Variants in PANK3 observed in about 807,000 individuals in gnomAD.
PANK3 encodes the protein hPanK3.
PANK3 carries 20 observed loss-of-function variants against 39.4 expected under a neutral mutation model. That is an observed-to-expected ratio of 0.51 (90% CI 0.36 to 0.74). PANK3 has a LOEUF of 0.74. PANK3 is among the 30% of genes least tolerant of loss of function. The pLI is 0.00. For synonymous variants in PANK3, 140 were observed against 157.3 expected, an observed-to-expected ratio of 0.89 and a Z score of 0.82; for missense variants, 265 against 437.0, an observed-to-expected ratio of 0.61 and a Z score of 3.51.
chr5:168,577,975 T>C (rs997220967), intron 1 of PANK3, among the ~76,000 whole-genome samples: 2 of 152,254 alleles, frequency 1.3e-5, no homozygotes, highest in Non-Finnish European at 2.9e-5. Context: ...TTCACATCAC[T>C]ATTTTATAGA....
In PANK3 at chr5:168,554,586, T is replaced by G. The variant is rs1053497872; in HGVS notation, c.*2985A>C. ...GGAGGAAAAGCGTGTAAAGTTAAGT[T>G]TTTAGAATTTAGACTGTTTGAAACT... On this transcript the variant is annotated 3_prime_UTR_variant, in exon 7 of 7. Coordinates refer to ENST00000239231, the MANE Select transcript of PANK3 (RefSeq NM_024594.4). 1.3e-5 allele frequency: 2 copies of G among 148,186 alleles called. No individual in the cohort carries two copies. The highest frequency in any genetic ancestry group is 3.1e-5 in the Non-Finnish European group (2 of 65,442). 9.2% of individuals were successfully genotyped at this position (148,186 alleles called of 1,614,324 possible).
chr5:168,566,185 T>G lies in PANK3; in HGVS notation c.463A>C (p.Asn155His), dbSNP rs1407291390. Residue 155 changes from asparagine (N) to histidine (H), a missense_variant, in exon 3 of 7, where the codon AAT becomes CAT. By Grantham distance (68) the Asn-to-His change is moderately conservative. This residue lies in a region of PANK3 where 154 missense variants were observed against 256.8 expected (regional missense o/e 0.60). Coordinates refer to ENST00000239231, the MANE Select transcript of PANK3 (RefSeq NM_024594.4). ...GLLYIDSVSF[N>H]GQAECYYFAN... The stretch of plus-strand genomic sequence containing the variant: ...AAATAATAGCACTCGGCTTGTCCAT[T>G]GAAACTGACAGAGTCTATATACAGC... 18 of 1,613,992 alleles carry G rather than the reference T, an allele frequency of 1.1e-5. No individual in the cohort carries two copies. Among genetic ancestry groups the G allele is most frequent in the Non-Finnish European group, 1.4e-5 (17 of 1,180,002 alleles).
At position 168,564,043 on chromosome 5, in the gene PANK3, C is replaced by A; in HGVS notation, c.658G>T (p.Gly220Cys). 6.2e-7 allele frequency: 1 copy of A among 1,610,170 alleles called. No homozygotes were observed. Among genetic ancestry groups the A allele is most frequent in the South Asian group, 1.1e-5 (1 of 90,128 alleles). Residue 220 changes from glycine to cysteine, a missense_variant, in exon 4 of 7, where the codon GGT becomes TGT. Gly to Cys is a radical substitution (Grantham distance 159). Coordinates refer to ENST00000239231, the MANE Select transcript of PANK3 (RefSeq NM_024594.4). ...CAGCCAGTCAATAAACTGCATAAAC[C>A]CAGAAAGGTACCCCCTCCAAGGCTA... ...GTSLGGGTFL[G>C]LCSLLTGCES... is the part of the protein sequence containing the mutation.
intron 4 of PANK3, among the ~76,000 whole-genome samples, chr5:168,562,333 G>C (rs760254292): frequency 3.9e-5 from 6 of 152,082 alleles, no homozygotes; most frequent in African/African-American, 4.8e-5. Flanking sequence ...AAAAGGACCA[G>C]AAAAAGCCAG....
chr5:168,564,670 C>A lies in PANK3; in HGVS notation c.636-605G>T, dbSNP rs1759497520. Among the ~76,000 whole-genome samples, 3 of 152,192 alleles carry A rather than the reference C, an allele frequency of 2.0e-5. No homozygotes were observed. In the South Asian group the frequency reaches 6.2e-4, roughly 32 times the overall value. ...CCAGGCTGGTCTTAACTCCTGGTCT[C>A]AAGCAATCCTCCACTTTGGCCTCCC... On this transcript the variant is annotated intron_variant, in intron 3 of 6. Transcript: ENST00000239231.
Position 168,566,226 on chromosome 5 carries a change from C to A in PANK3, c.422G>T (p.Cys141Phe), listed in dbSNP as rs1284268027. The change falls in exon 3 of 7, where the codon TGC becomes TTC. Residue 141 changes from cysteine (C) to phenylalanine (F), a missense_variant. Cys to Phe is a radical substitution (Grantham distance 205). Around this residue, in one of 3 missense-constraint regions of PANK3, gnomAD observed 154 missense variants for 256.8 expected, o/e 0.60. Transcript: ENST00000239231. ...LHLHKLDELD[C>F]LVKGLLYIDS... Reference sequence around the variant, plus strand: ...TATATACAGCAAGCCCTTTACAAGGCAGTCAAGTTCATCCAGTTTGTGCAG... The same window carrying A: ...TATATACAGCAAGCCCTTTACAAGGAAGTCAAGTTCATCCAGTTTGTGCAG... The A allele has an allele frequency of 1.2e-6, 2 of 1,611,004 alleles. No homozygotes were observed. The highest frequency in any genetic ancestry group is 8.5e-7 in the Non-Finnish European group (1 of 1,177,530).
In PANK3 at chr5:168,557,506, A is replaced by C; in HGVS notation, c.*65T>G. On this transcript the variant is annotated 3_prime_UTR_variant, in exon 7 of 7. Coordinates refer to ENST00000239231, the MANE Select transcript of PANK3 (RefSeq NM_024594.4). ...GGTTCCCAGTGACAAACAATGCAGTAATAATGCCTCTGGTTTTAGTTCCTC... is the reference window on the plus strand; with the variant it reads ...GGTTCCCAGTGACAAACAATGCAGTCATAATGCCTCTGGTTTTAGTTCCTC... 7.0e-7 allele frequency: 1 copy of C among 1,424,308 alleles called. No individual in the cohort carries two copies. Among genetic ancestry groups the C allele is most frequent in the Non-Finnish European group, 9.9e-7 (1 of 1,010,654 alleles). 88.2% of individuals were successfully genotyped at this position (1,424,308 alleles called of 1,614,324 possible).
chr5:168,559,014 A>C lies in PANK3; in HGVS notation c.1062+18T>G. ...AAACATGCTATTAAAATTCACAAAA[A>C]ACATTTTCCTACCATACCTCATGTT... is the stretch of plus-strand genomic sequence containing the variant. On this transcript the variant is annotated intron_variant, in intron 6 of 6. Coordinates refer to ENST00000239231, the MANE Select transcript of PANK3 (RefSeq NM_024594.4). 6.3e-7 allele frequency: 1 copy of C among 1,595,414 alleles called. No individual in the cohort carries two copies. Among genetic ancestry groups the C allele is most frequent in the Non-Finnish European group, 8.5e-7 (1 of 1,172,594 alleles).
At chr5:168,572,684 T>C (rs772706741) in intron 1 of PANK3, among the ~76,000 whole-genome samples, 20 of 152,178 alleles carry the variant, frequency 1.3e-4, no homozygotes, top group Non-Finnish European at 2.8e-4. Context: ...CTTCAGGCCA[T>C]CTGGATGTAT....
intron 1 of PANK3, among the ~76,000 whole-genome samples, chr5:168,576,880 T>A (rs981075441): frequency 6.7e-6 from 1 of 148,726 alleles, no homozygotes; most frequent in African/African-American, 2.6e-5. Context: ...ATTAATATTA[T>A]TATTATTATT....
At chr5:168,567,509 C>T (rs773375707) in intron 2 of PANK3, among the ~76,000 whole-genome samples, 2 of 152,288 alleles carry the variant, frequency 1.3e-5, no homozygotes, top group Non-Finnish European at 2.9e-5. Context: ...GGAACCTCTT[C>T]AACTCTCTAG....
chr5:168,567,096 A>G (rs988989292), intron 2 of PANK3, among the ~76,000 whole-genome samples: 1 of 152,206 alleles, frequency 6.6e-6, no homozygotes, highest in African/African-American at 2.4e-5. Context: ...CACCACATAA[A>G]GCAAGGGAAA....
At chr5:168,562,411 A>G (rs1275966079) in intron 4 of PANK3, among the ~76,000 whole-genome samples, 2 of 152,338 alleles carry the variant, frequency 1.3e-5, no homozygotes, top group East Asian at 1.9e-4. Context: ...ATGAGAAATG[A>G]AAACATCTAT....
intron 1 of PANK3, among the ~76,000 whole-genome samples, chr5:168,577,516 A>G (rs1174386326): frequency 1.3e-5 from 2 of 151,836 alleles, no homozygotes; most frequent in Non-Finnish European, 2.9e-5. Context: ...TTATTTATTT[A>G]TTTGTAGAGA....
At position 168,549,483 on chromosome 5, in the gene PANK3, G is replaced by A. The variant is rs910737265; in HGVS notation, c.*8088C>T. The A allele has an allele frequency of 2.0e-5, 3 of 152,144 alleles. No homozygotes were observed. The highest frequency in any genetic ancestry group is 2.9e-5 in the Non-Finnish European group (2 of 68,034). The allele number at this position is 152,144 out of a possible 1,614,324, so 9.4% of individuals were successfully genotyped here. Reference sequence around the variant, plus strand: ...CTGTTGGAACTGTAAGCACTGCAACGTATGAAAGAAACATATTTAGCAATA... The same window carrying A: ...CTGTTGGAACTGTAAGCACTGCAACATATGAAAGAAACATATTTAGCAATA... On this transcript the variant is annotated 3_prime_UTR_variant, in exon 7 of 7. Coordinates refer to ENST00000239231, the MANE Select transcript of PANK3 (RefSeq NM_024594.4).
At chr5:168,570,384 CAAAA>C (rs35264834) in intron 1 of PANK3, among the ~76,000 whole-genome samples, 21 of 84,276 alleles carry the variant, frequency 2.5e-4, no homozygotes, top group Admixed American at 1.3e-4. Context: ...GACTCCGTCT[CAAAA>C]AAAAAAAAAA....
chr5:168,564,858 T>A (rs1362049308), intron 3 of PANK3, among the ~76,000 whole-genome samples: 1 of 152,218 alleles, frequency 6.6e-6, no homozygotes, highest in African/African-American at 2.4e-5. Flanking sequence ...ATAAATACAA[T>A]GAGTAAATTT....
At position 168,568,805 on chromosome 5, in the gene PANK3, T is replaced by C. The variant is rs1329892422; in HGVS notation, c.222A>G (p.Thr74=). 2 of 1,613,938 alleles carry C rather than the reference T, an allele frequency of 1.2e-6. No individual in the cohort carries two copies. Among genetic ancestry groups the C allele is most frequent in the Admixed American group, 3.3e-5 (2 of 59,996 alleles). Reference sequence around the variant, plus strand: ...GCAAGTTCCCTCTTCGGCCAAAAAGTGTTAAATCTTTCAGTTCAAGGTGTA... The same window carrying C: ...GCAAGTTCCCTCTTCGGCCAAAAAGCGTTAAATCTTTCAGTTCAAGGTGTA... The part of the protein sequence containing the change: ...RDVHLELKDL[T]LFGRRGNLHF... Residue 74 remains threonine, a synonymous_variant, in exon 2 of 7, where the codon ACA becomes ACG. Transcript: ENST00000239231.
intron 1 of PANK3, among the ~76,000 whole-genome samples, chr5:168,571,243 T>A (rs1759626029): frequency 6.6e-6 from 1 of 152,208 alleles, no homozygotes; most frequent in Non-Finnish European, 1.5e-5. Context: ...GAAGTCAGTA[T>A]TATAATATTA....
Sources: allele counts gnomAD v4.1 joint callset (sites outside exome capture counted in the v4.1 genomes callset), GRCh38; gene constraint gnomAD v4.1.1; regional missense constraint gnomAD v4.1.1; transcripts MANE v1.5; gene names NCBI Gene and HGNC (gene_info 2026-07-23, HGNC 2026-07-21).